The following FBXO11 variants were observed in gnomAD, a reference collection of about 807,000 sequenced individuals.
FBXO11 encodes the protein F-box protein 11, also known as F-box only protein 11.
FBXO11 carries 13 observed loss-of-function variants against 117.0 expected under a neutral mutation model. The ratio of observed to expected loss-of-function variants is 0.11; its 90% CI spans 0.07 to 0.18. FBXO11 has a LOEUF of 0.18. Ranked by LOEUF, FBXO11 falls within the 10% of genes least tolerant of loss-of-function variation. The pLI is 1.00. For missense variants in FBXO11, 767 were observed against 1,164.4 expected (o/e 0.66, Z 4.97); for synonymous variants, 490 against 380.5 (o/e 1.29, Z -3.35).
chr2:47,862,095 A>C (rs536356503), intron 1 of FBXO11, among the ~76,000 whole-genome samples: 1 of 151,514 alleles, frequency 6.6e-6, no homozygotes, highest in Non-Finnish European at 1.5e-5. Context: ...TTTATTTTTT[A>C]TTTTTAATAG....
Position 47,906,359 on chromosome 2 carries a change from T to C in FBXO11, c.-639A>G, listed in dbSNP as rs1482035172. Among the ~76,000 whole-genome samples the C allele has an allele frequency of 6.6e-6, 1 of 151,822 alleles. No individual in the cohort carries two copies. Among genetic ancestry groups the C allele is most frequent in the South Asian group, 2.1e-4 (1 of 4,824 alleles). On this transcript the variant is annotated 5_prime_UTR_variant, in exon 1 of 23. Transcript: ENST00000403359. ...GGGAAATGAGTGTGAAGGGAGGAGA[T>C]AGGGGGAAAAAGAGGCGTCGTCCTT...
chr2:47,839,539 T>C (rs769636223), intron 2 of FBXO11, 39 bp from the exon 3 acceptor site: 1 of 1,607,990 alleles, frequency 6.2e-7, no homozygotes, highest in African/African-American at 1.3e-5. Context: ...GCAAATATTC[T>C]TATCATCCAT....
At chr2:47,853,247 T>C (rs1364504449) in intron 1 of FBXO11, among the ~76,000 whole-genome samples, 1 of 152,006 alleles carries the variant, frequency 6.6e-6, no homozygotes, top group Non-Finnish European at 1.5e-5. Context: ...AATCTTTGTA[T>C]TTTCAGTACA....
Position 47,839,519 on chromosome 2 carries a change from A to G in FBXO11, c.361-19T>C. ...AGGCGCCCTTCAAAAACAAAACAGA[A>G]ACTAGTAAAGCAAATATTCTTATCA... On this transcript the variant is annotated intron_variant, in intron 2 of 22. Coordinates refer to ENST00000403359, the MANE Select transcript of FBXO11 (RefSeq NM_001190274.2). 6.2e-7 allele frequency: 1 copy of G among 1,612,154 alleles called. No individual in the cohort carries two copies. The highest frequency in any genetic ancestry group is 8.5e-7 in the Non-Finnish European group (1 of 1,179,406).
At chr2:47,884,927 C>T (rs1048242223) in intron 1 of FBXO11, among the ~76,000 whole-genome samples, 4 of 151,992 alleles carry the variant, frequency 2.6e-5, no homozygotes, top group South Asian at 2.1e-4. Flanking sequence ...ATTTCTATTG[C>T]GCATCATAAG....
chr2:47,835,054 A>T (rs1672446987), intron 5 of FBXO11, among the ~76,000 whole-genome samples, 183 bp from the exon 6 acceptor site: 1 of 152,224 alleles, frequency 6.6e-6, no homozygotes, highest in African/African-American at 2.4e-5. Context: ...AATATCCAGA[A>T]ACAAAGAACA....
At chr2:47,881,798 T>G (rs1198354854) in intron 1 of FBXO11, among the ~76,000 whole-genome samples, 2 of 152,020 alleles carry the variant, frequency 1.3e-5, no homozygotes, top group Non-Finnish European at 2.9e-5. Context: ...CAGGCTGGAG[T>G]GCAGTGGCAT....
chr2:47,875,920 AAGCAGC>A (rs966684958), intron 1 of FBXO11, among the ~76,000 whole-genome samples: 4 of 152,166 alleles, frequency 2.6e-5, no homozygotes, highest in African/African-American at 9.7e-5. Flanking sequence ...TAAAAAAGAA[AAGCAGC>A]AGCAGCAGCA....
At chr2:47,808,522 G>C in intron 21 of FBXO11, 95 bp from the exon 22 acceptor site, 1 of 1,154,992 alleles carries the variant, frequency 8.7e-7, no homozygotes, top group African/African-American at 1.6e-5. Flanking sequence ...TTGGCTTTAA[G>C]AGGACCAAAA....
In FBXO11 at chr2:47,810,334, A is replaced by C; in HGVS notation, c.2320T>G (p.Phe774Val). ...TACAAACCTGCGGCAAATCCATCAAATATTCTGTTTTTCCTTAAGATTGGA... is the reference window on the plus strand; with the variant it reads ...TACAAACCTGCGGCAAATCCATCAACTATTCTGTTTTTCCTTAAGATTGGA... ...SHPILRKNRI[F>V]DGFAAGIEIT... The change falls in exon 19 of 23, where the codon TTT (phenylalanine) becomes GTT (valine). Residue 774 changes from phenylalanine to valine, a missense_variant. Coordinates refer to ENST00000403359, the MANE Select transcript of FBXO11 (RefSeq NM_001190274.2). The C allele has an allele frequency of 6.2e-7, 1 of 1,607,712 alleles. No individual in the cohort carries two copies. Among genetic ancestry groups the C allele is most frequent in the Non-Finnish European group, 8.5e-7 (1 of 1,177,240 alleles).
At chr2:47,897,194 G>C (rs998909893) in intron 1 of FBXO11, among the ~76,000 whole-genome samples, 1 of 152,092 alleles carries the variant, frequency 6.6e-6, no homozygotes, top group African/African-American at 2.4e-5. Context: ...AAAGCCACAT[G>C]TTCTTATATA....
At chr2:47,856,055 G>A (rs1030153132) in intron 1 of FBXO11, among the ~76,000 whole-genome samples, 10 of 152,114 alleles carry the variant, frequency 6.6e-5, no homozygotes, top group African/African-American at 2.4e-4. Flanking sequence ...AGGCTGCAGC[G>A]TGCTATCATT....
chr2:47,837,200 A>G (rs1018848053), intron 4 of FBXO11, among the ~76,000 whole-genome samples: 16 of 152,178 alleles, frequency 1.1e-4, no homozygotes, highest in Admixed American at 9.8e-4. Flanking sequence ...GCTGCTCTTC[A>G]TTCTCATTTC....
chr2:47,905,547 C>A lies in FBXO11; in HGVS notation c.174G>T (p.Pro58=). 1 of 1,241,844 alleles carries A rather than the reference C, an allele frequency of 8.1e-7. No homozygotes were observed. The allele number at this position is 1,241,844 out of a possible 1,614,324, so 76.9% of individuals were successfully genotyped here. Residue 58 remains proline, a synonymous_variant, in exon 1 of 23, where the codon CCG becomes CCT. Coordinates refer to ENST00000403359, the MANE Select transcript of FBXO11 (RefSeq NM_001190274.2). ...GCGGCGGAGGCGGCGGTGGCGGCGG[C>A]GGAGGCTGCTGCTGCTGCTGCTGCT... ...PPQQQQQQQP[P]PPPPPPPPLP...
At chr2:47,817,485 ATTTC>A (rs1012213656) in intron 16 of FBXO11, among the ~76,000 whole-genome samples, 14 of 152,182 alleles carry the variant, frequency 9.2e-5, no homozygotes, top group African/African-American at 3.1e-4. Flanking sequence ...AGCATTTTTA[ATTTC>A]TTTCTAGGAC....
At chr2:47,888,492 A>T (rs1267350653) in intron 1 of FBXO11, 1 of 159,312 alleles carries the variant, frequency 6.3e-6, no homozygotes, top group Admixed American at 6.5e-5. Flanking sequence ...AATTTACCAG[A>T]TGTTCTTTAT....
At position 47,807,480 on chromosome 2, in the gene FBXO11, AT is replaced by A. The variant is rs1160141892; in HGVS notation, c.*637del. The A allele has an allele frequency of 9.7e-6, 2 of 206,650 alleles. No homozygotes were observed. The highest frequency in any genetic ancestry group is 4.6e-5 in the African/African-American group (2 of 43,844). The allele number at this position is 206,650 out of a possible 1,614,324, so 12.8% of individuals were successfully genotyped here. On this transcript the variant is annotated 3_prime_UTR_variant, in exon 23 of 23. Coordinates refer to ENST00000403359, the MANE Select transcript of FBXO11 (RefSeq NM_001190274.2). ...GATACCAGAAACATTGCTGGATATA[AT>A]TTAAGATTAGTGTTTTCTCTTTCAT...
At chr2:47,823,059 T>C in intron 12 of FBXO11, 84 bp downstream of exon 12, 3 of 969,364 alleles carry the variant, frequency 3.1e-6, no homozygotes, top group African/African-American at 1.6e-5. Flanking sequence ...ACAAAAACTT[T>C]CAAGAGTTAA....
chr2:47,895,231 C>A (rs1369679343), intron 1 of FBXO11, among the ~76,000 whole-genome samples: 1 of 152,084 alleles, frequency 6.6e-6, no homozygotes, highest in Non-Finnish European at 1.5e-5. Context: ...CTCCTGACAT[C>A]CAAACACAAA....
Sources: allele counts gnomAD v4.1 joint callset (sites outside exome capture counted in the v4.1 genomes callset), GRCh38; gene constraint gnomAD v4.1.1; transcripts MANE v1.5; gene names NCBI Gene and HGNC (gene_info 2026-07-23, HGNC 2026-07-21).